Variants in USP45 observed in about 807,000 individuals in gnomAD.
USP45 encodes ubiquitin carboxyl-terminal hydrolase 45.
In USP45, 89 loss-of-function variants were observed where a neutral mutation model predicts 95.8. The observed-to-expected ratio is 0.93, with a 90% confidence interval of 0.78 to 1.11. USP45 has a LOEUF of 1.11. Ranked by LOEUF, USP45 falls within the 50% of genes least tolerant of loss-of-function variation. USP45 has a pLI of 0.00. For synonymous variants in USP45, 281 were observed against 316.2 expected (o/e 0.89, Z 1.18); for missense variants, 898 against 942.5 (o/e 0.95, Z 0.62).
rs1779869311 is a variant in USP45, at chr6:99,432,556, G to A, written c.*3160C>T. ...CATGGCAAAAGAAAAAAAACAGTAG[G>A]AATAATATGTATTACTCAAAATTGA... is the stretch of plus-strand genomic sequence containing the variant. On this transcript the variant is annotated 3_prime_UTR_variant, in exon 18 of 18. Coordinates refer to ENST00000500704, the MANE Select transcript of USP45 (RefSeq NM_001346022.3). 2 of 151,146 alleles carry A rather than the reference G, an allele frequency of 1.3e-5. No individual in the cohort carries two copies. The highest frequency in any genetic ancestry group is 2.9e-5 in the Non-Finnish European group (2 of 67,904). The allele number at this position is 151,146 out of a possible 1,614,324, so 9.4% of individuals were successfully genotyped here.
rs1346410432 is a variant in USP45 at position 99,446,027 on chromosome 6, T to C, written c.1745A>G (p.Asn582Ser). 2.5e-6 allele frequency: 4 copies of C among 1,614,108 alleles called. No individual in the cohort carries two copies. The highest frequency in any genetic ancestry group is 3.4e-6 in the Non-Finnish European group (4 of 1,180,026). Residue 582 changes from asparagine to serine, a missense_variant, in exon 14 of 18, where the codon AAT becomes AGT. Asn to Ser is a conservative substitution (Grantham distance 46). Coordinates refer to ENST00000500704, the MANE Select transcript of USP45 (RefSeq NM_001346022.3). Reference protein sequence around the residue: ...QDFDRENQPLNISNNLCFLEG... With the variant: ...QDFDRENQPLSISNNLCFLEG... ...TAAAAAACATAAATTATTTGAAATATTTAGTGGCTGATTTTCTCTGTCAAA... is the reference window on the plus strand; with the variant it reads ...TAAAAAACATAAATTATTTGAAATACTTAGTGGCTGATTTTCTCTGTCAAA...
intron 13 of USP45, among the ~76,000 whole-genome samples, chr6:99,446,881 C>T (rs1177500081): frequency 6.6e-6 from 1 of 152,160 alleles, no homozygotes; most frequent in African/African-American, 2.4e-5. Flanking sequence ...GTAGTTACTA[C>T]TACAAGTATG....
intron 5 of USP45, among the ~76,000 whole-genome samples, chr6:99,499,910 C>G (rs1797034971): frequency 2.0e-5 from 3 of 152,206 alleles, no homozygotes; most frequent in African/African-American, 7.2e-5. Context: ...ACTCTACTTG[C>G]ATATCATTAC....
intron 7 of USP45, among the ~76,000 whole-genome samples, chr6:99,486,974 G>A (rs1794060640): frequency 6.6e-6 from 1 of 152,104 alleles, no homozygotes; most frequent in African/African-American, 2.4e-5. Context: ...GTGGCAGTGA[G>A]GGAGATCACG....
At chr6:99,461,395 G>C in intron 13 of USP45, 1 of 985,324 alleles carries the variant, frequency 1.0e-6, no homozygotes, top group East Asian at 1.1e-4. Flanking sequence ...GTTCAAGAAG[G>C]ATGTTTATAT....
intron 16 of USP45, among the ~76,000 whole-genome samples, chr6:99,439,251 T>C (rs1040408763): frequency 3.3e-5 from 5 of 152,214 alleles, no homozygotes; most frequent in African/African-American, 1.2e-4. Flanking sequence ...AATTCTTACA[T>C]GTAAAATAAG....
intron 9 of USP45, among the ~76,000 whole-genome samples, chr6:99,469,239 T>A (rs1246255849): frequency 1.3e-5 from 2 of 151,876 alleles, no homozygotes; most frequent in Non-Finnish European, 2.9e-5. Context: ...AAGGTTTATA[T>A]TAACTATTTC....
intron 6 of USP45, 150 bp from the exon 7 acceptor site, chr6:99,488,445 G>C (rs541224158): frequency 2.9e-6 from 2 of 686,044 alleles, no homozygotes; most frequent in Admixed American, 3.2e-5. Context: ...ATTTAGTAAA[G>C]GTCACTATTA....
intron 14 of USP45, among the ~76,000 whole-genome samples, chr6:99,445,226 T>G (rs76480459): frequency 6.6e-6 from 1 of 152,088 alleles, no homozygotes; most frequent in Non-Finnish European, 1.5e-5. Context: ...GGCTCACACC[T>G]GTAATCTCAG....
intron 9 of USP45, among the ~76,000 whole-genome samples, chr6:99,473,732 AT>A: frequency 6.7e-6 from 1 of 149,300 alleles, no homozygotes; most frequent in African/African-American, 2.5e-5. Flanking sequence ...TCCAGCCTGG[AT>A]GACAGAGTGA....
chr6:99,512,439 T>C (rs1294740723), intron 1 of USP45, among the ~76,000 whole-genome samples: 1 of 152,248 alleles, frequency 6.6e-6, no homozygotes, highest in African/African-American at 2.4e-5. Flanking sequence ...CTTATATTTA[T>C]TAAAAATTCA....
Position 99,439,789 on chromosome 6 carries a change from A to ATGG in USP45, c.2137_2139dup (p.Pro713dup). On this transcript the variant is annotated inframe_insertion, in exon 16 of 18. Transcript: ENST00000500704. ...TGTACCTTACAAGTAGCAGAGCAGA[A>ATGG]TGGTGCTAAATCGAGCATAAGTGGA... 1.9e-6 allele frequency: 3 copies of ATGG among 1,603,614 alleles called. No individual in the cohort carries two copies. Among genetic ancestry groups the ATGG allele is most frequent in the Non-Finnish European group, 2.6e-6 (3 of 1,174,486 alleles).
At position 99,488,708 on chromosome 6, in the gene USP45, A is replaced by G. The variant is rs200324056; in HGVS notation, c.591T>C (p.Asn197=). ...GCATGACTGCATTAAAAAAGCAAGT[A>G]TTTCCTAAATTTGTAATTCCTCTTA... ...LSVRGITNLG[N]TCFFNAVMQN... Residue 197 remains asparagine, a synonymous_variant, in exon 6 of 18, where the codon AAT becomes AAC. Coordinates refer to ENST00000500704, the MANE Select transcript of USP45 (RefSeq NM_001346022.3). The G allele has an allele frequency of 1.9e-6, 3 of 1,601,982 alleles. No homozygotes were observed. In the African/African-American group the frequency reaches 4.0e-5, roughly 22 times the overall value.
chr6:99,468,137 C>T, intron 10 of USP45: 1 of 455,650 alleles, frequency 2.2e-6, no homozygotes, highest in Non-Finnish European at 4.4e-6. Flanking sequence ...TTGCAGGAGT[C>T]TTTGGAGCAC....
At chr6:99,461,085 A>C (rs1425923224) in intron 13 of USP45, 1 of 984,998 alleles carries the variant, frequency 1.0e-6, no homozygotes, top group African/African-American at 1.7e-5. Context: ...ATTCTGGCAG[A>C]AGTATTAAGG....
In USP45 at chr6:99,432,415, G is replaced by C. The variant is rs1486520185; in HGVS notation, c.*3301C>G. The C allele has an allele frequency of 7.0e-6, 1 of 142,308 alleles. No homozygotes were observed. The highest frequency in any genetic ancestry group is 1.5e-5 in the Non-Finnish European group (1 of 67,976). The allele number at this position is 142,308 out of a possible 1,614,324, so 8.8% of individuals were successfully genotyped here. A position where few individuals can be genotyped will look rare whatever the true frequency, so the allele number is the denominator to read the frequency against. On this transcript the variant is annotated 3_prime_UTR_variant, in exon 18 of 18. Transcript: ENST00000500704. ...AAACATTCTGTCAATAACGTAAACT[G>C]TGAAAATTCCAGGACCAATCTTGTA...
Position 99,435,087 on chromosome 6 carries a change from T to C in USP45, c.*629A>G, listed in dbSNP as rs1448350033. 1 of 152,544 alleles carries C rather than the reference T, an allele frequency of 6.6e-6. No individual in the cohort carries two copies. Among genetic ancestry groups the C allele is most frequent in the African/African-American group, 2.4e-5 (1 of 41,426 alleles). The allele number at this position is 152,544 out of a possible 1,614,324, so 9.4% of individuals were successfully genotyped here. ...GACCAGGGAACTACACCGTATTAGG[T>C]GTTACTTCATGAAATTATGTGTTAT... is the stretch of plus-strand genomic sequence containing the variant. On this transcript the variant is annotated 3_prime_UTR_variant, in exon 18 of 18. Transcript: ENST00000500704.
intron 13 of USP45, among the ~76,000 whole-genome samples, chr6:99,455,451 AAACAACAACAACAAC>A (rs148860868): frequency 0.15 from 22,318 of 150,696 alleles, 2,317 homozygotes; most frequent in Non-Finnish European, 0.21. Context: ...ACTCTGTCTC[AAACAACAACAACAAC>A]AACAACAACA....
At chr6:99,487,370 T>C (rs1794158586) in intron 7 of USP45, among the ~76,000 whole-genome samples, 1 of 152,214 alleles carries the variant, frequency 6.6e-6, no homozygotes, top group South Asian at 2.1e-4. Flanking sequence ...ATTGTTATTC[T>C]GTGGGATTAT....
Sources: gnomAD v4.1 joint callset for allele counts (sites outside exome capture counted in the v4.1 genomes callset) on GRCh38, gnomAD v4.1.1 for gene constraint, MANE v1.5 for transcripts, NCBI Gene and HGNC (gene_info 2026-07-23, HGNC 2026-07-21) for gene names.